Variants in GPR149 observed in about 807,000 individuals in gnomAD.
The protein encoded by GPR149 is probable G protein-coupled receptor 149.
Under a neutral mutation model 50.2 loss-of-function variants are expected in GPR149, and 50 were observed. The observed-to-expected ratio is 1.00, with a 90% CI of 0.79 to 1.26. The LOEUF (loss-of-function observed/expected upper bound fraction) is 1.26. GPR149 is among the 50% of genes most tolerant of loss of function. GPR149 has a pLI of 0.00. For synonymous variants in GPR149, 405 were observed against 358.2 expected (o/e 1.13, Z -1.48); for missense variants, 983 against 895.4 (o/e 1.10, Z -1.25).
intron 3 of GPR149, among the ~76,000 whole-genome samples, chr3:154,371,604 C>A (rs1298174919): frequency 1.3e-5 from 2 of 152,114 alleles, no homozygotes; most frequent in East Asian, 3.8e-4. Flanking sequence ...TCTCTAGCTG[C>A]AGTAGTCCTT....
chr3:154,389,540 T>C, intron 3 of GPR149, among the ~76,000 whole-genome samples: 1 of 152,110 alleles, frequency 6.6e-6, no homozygotes, highest in East Asian at 1.9e-4. Context: ...CCAGGAACAC[T>C]ACAGCCACCT....
Position 154,397,488 on chromosome 3 carries a change from A to T in GPR149, c.1623+23551T>A, listed in dbSNP as rs1358580359. Among the ~76,000 whole-genome samples, 5 of 152,194 alleles carry T rather than the reference A, an allele frequency of 3.3e-5. No homozygotes were observed. The East Asian group carries it at 9.6e-4, about 29-fold the overall frequency. On this transcript the variant is annotated intron_variant, in intron 3 of 3. Transcript: ENST00000389740. ...TATTAAAAATAAATTATATAAACTT[A>T]AACTGAATTATATGAAAAACAAAGG... is the stretch of plus-strand genomic sequence containing the variant.
chr3:154,396,701 C>CT (rs1715301196), intron 3 of GPR149, among the ~76,000 whole-genome samples: 1 of 151,794 alleles, frequency 6.6e-6, no homozygotes, highest in African/African-American at 2.4e-5. Flanking sequence ...CAAGATCAGA[C>CT]TTTATTATGT....
intron 3 of GPR149, among the ~76,000 whole-genome samples, chr3:154,417,187 G>A (rs779494734): frequency 6.6e-6 from 1 of 151,872 alleles, no homozygotes; most frequent in Non-Finnish European, 1.5e-5. Flanking sequence ...AAAAAACTCT[G>A]ACGTTTCTTA....
At chr3:154,376,828 C>T (rs1227963863) in intron 3 of GPR149, among the ~76,000 whole-genome samples, 1 of 152,088 alleles carries the variant, frequency 6.6e-6, no homozygotes, top group African/African-American at 2.4e-5. Flanking sequence ...ATATCTTGGC[C>T]TTACCATTTT....
intron 3 of GPR149, among the ~76,000 whole-genome samples, chr3:154,367,827 C>T (rs866428985): frequency 1.2e-4 from 18 of 152,294 alleles, no homozygotes; most frequent in Middle Eastern, 6.8e-3. Context: ...AGGAGGATCT[C>T]CAGGAAAGGC....
intron 2 of GPR149, among the ~76,000 whole-genome samples, chr3:154,425,261 T>C (rs947125551): frequency 1.4e-4 from 22 of 152,132 alleles, no homozygotes; most frequent in African/African-American, 5.1e-4. Flanking sequence ...ATGATAAATA[T>C]GTTAGGAAAA....
chr3:154,403,506 A>G (rs1052897664), intron 3 of GPR149, among the ~76,000 whole-genome samples: 6 of 152,172 alleles, frequency 3.9e-5, no homozygotes, highest in Admixed American at 2.6e-4. Flanking sequence ...TAGAGGTAGA[A>G]CCAGATTTCA....
At chr3:154,409,724 T>A (rs1336733813) in intron 3 of GPR149, among the ~76,000 whole-genome samples, 2 of 152,158 alleles carry the variant, frequency 1.3e-5, no homozygotes, top group African/African-American at 4.8e-5. Context: ...ACAAGAAGTT[T>A]GGGACTGTGT....
chr3:154,356,159 T>C (rs1024342586), intron 3 of GPR149, among the ~76,000 whole-genome samples: 4 of 152,222 alleles, frequency 2.6e-5, no homozygotes, highest in Admixed American at 6.5e-5. Context: ...GTAAACTTAC[T>C]AGAAATCATT....
At position 154,426,871 on chromosome 3, in the gene GPR149, CGTGTGTGTGTGTGTGTGTGTGTGT is replaced by C. The variant is rs61087162; in HGVS notation, c.1174+621_1174+644del. Among the ~76,000 whole-genome samples the C allele has an allele frequency of 2.8e-5, 4 of 144,434 alleles. 1 individual carries two copies. The highest frequency in any genetic ancestry group is 4.6e-4 in the South Asian group (2 of 4,386). The allele number at this position is 144,434 out of a possible 152,430, so 94.8% of individuals were successfully genotyped here. A position where few individuals can be genotyped will look rare whatever the true frequency, so the allele number is the denominator to read the frequency against. ...GTTTGTTTTTATGTTTGGACCAGGG[CGTGTGTGTGTGTGTGTGTGTGTGT>C]GTGTGTGTGTGTGTGTGTGAGACAG... On this transcript the variant is annotated intron_variant, in intron 2 of 3. Transcript: ENST00000389740.
chr3:154,430,141 G>GA lies in GPR149; in HGVS notation c.-527dup, dbSNP rs1015814775. ...GAAGGTGGAGAGAGAGAGAGAGACA[G>GA]AGAGAGAGAGAGAGAGGGCGAGCGC... On this transcript the variant is annotated 5_prime_UTR_variant, in exon 1 of 4. Coordinates refer to ENST00000389740, the MANE Select transcript of GPR149 (RefSeq NM_001038705.3). Among the ~76,000 whole-genome samples the GA allele has an allele frequency of 1.1e-5, 1 of 94,672 alleles. No individual in the cohort carries two copies. Among genetic ancestry groups the GA allele is most frequent in the East Asian group, 4.4e-4 (1 of 2,280 alleles). The allele number at this position is 94,672 out of a possible 152,430, so 62.1% of individuals were successfully genotyped here.
rs1576893772 is a variant in GPR149, at chr3:154,336,364, T to C, written c.*1335A>G. ...ATAAATCATTCTAAAACACAATTCA[T>C]TCAATCTGTAAATAAATAAATAAAG... On this transcript the variant is annotated 3_prime_UTR_variant, in exon 4 of 4. Coordinates refer to ENST00000389740, the MANE Select transcript of GPR149 (RefSeq NM_001038705.3). The C allele has an allele frequency of 1.3e-5, 2 of 152,080 alleles. No homozygotes were observed. Among genetic ancestry groups the C allele is most frequent in the African/African-American group, 4.8e-5 (2 of 41,452 alleles). 9.4% of individuals were successfully genotyped at this position (152,080 alleles called of 1,614,324 possible). A position where few individuals can be genotyped will look rare whatever the true frequency, so the allele number is the denominator to read the frequency against.
intron 3 of GPR149, among the ~76,000 whole-genome samples, chr3:154,371,187 C>T (rs959498950): frequency 6.6e-6 from 1 of 152,162 alleles, no homozygotes; most frequent in Admixed American, 6.5e-5. Context: ...ATGTAACAGT[C>T]CTTGCAATAA....
intron 3 of GPR149, among the ~76,000 whole-genome samples, chr3:154,419,194 G>A (rs762315883): frequency 1.3e-5 from 2 of 151,986 alleles, no homozygotes; most frequent in Non-Finnish European, 2.9e-5. Flanking sequence ...ATAGCTGAAA[G>A]ATACCTGGAT....
chr3:154,382,622 T>G (rs964341519), intron 3 of GPR149, among the ~76,000 whole-genome samples: 1 of 152,232 alleles, frequency 6.6e-6, no homozygotes, highest in African/African-American at 2.4e-5. Flanking sequence ...TTTTAAATAA[T>G]GCTCAAATTT....
At chr3:154,409,146 G>A (rs1193230248) in intron 3 of GPR149, among the ~76,000 whole-genome samples, 1 of 152,184 alleles carries the variant, frequency 6.6e-6, no homozygotes, top group Non-Finnish European at 1.5e-5. Flanking sequence ...CTACAGTTTG[G>A]CCTCTGGAAG....
At chr3:154,350,389 T>A (rs1458666016) in intron 3 of GPR149, among the ~76,000 whole-genome samples, 2 of 152,188 alleles carry the variant, frequency 1.3e-5, no homozygotes, top group Non-Finnish European at 2.9e-5. Flanking sequence ...TCATTTGTAC[T>A]TCTATGACTA....
intron 3 of GPR149, among the ~76,000 whole-genome samples, chr3:154,380,762 G>A (rs1171921053): frequency 6.6e-6 from 1 of 152,030 alleles, no homozygotes; most frequent in African/African-American, 2.4e-5. Flanking sequence ...ATTAGACCAG[G>A]TGTCCAAATA....
Sources: gnomAD v4.1 joint callset for allele counts (sites outside exome capture counted in the v4.1 genomes callset) on GRCh38, gnomAD v4.1.1 for gene constraint, MANE v1.5 for transcripts, NCBI Gene and HGNC (gene_info 2026-07-23, HGNC 2026-07-21) for gene names.